The following PACRG variants were observed in gnomAD, a reference collection of about 807,000 sequenced individuals.
PACRG encodes the protein parkin coregulated gene protein.
Under a neutral mutation model 29.7 loss-of-function variants are expected in PACRG, and 29 were observed. That is an observed-to-expected ratio of 0.98 (90% CI 0.73 to 1.33). The LOEUF (loss-of-function observed/expected upper bound fraction) is 1.33. PACRG is among the 40% of genes most tolerant of loss of function. The pLI is 0.00. For synonymous variants in PACRG, 116 were observed against 118.7 expected (o/e 0.98, Z 0.15); for missense variants, 279 against 316.2 (o/e 0.88, Z 0.89).
At chr6:163,083,668 A>G (rs2128294051) in intron 3 of PACRG, among the ~76,000 whole-genome samples, 1 of 152,316 alleles carries the variant, frequency 6.6e-6, no homozygotes, top group Middle Eastern at 3.4e-3. Context: ...TTGTCTGTTT[A>G]TGTGCCGTGC....
intron 4 of PACRG, among the ~76,000 whole-genome samples, chr6:163,248,431 CA>C (rs199676766): frequency 0.038 from 4,121 of 109,508 alleles, 151 homozygotes; most frequent in African/African-American, 0.1. Context: ...ATATTTTATG[CA>C]AAAAAAAAAA....
Position 162,777,600 on chromosome 6 carries a change from AG to A in PACRG, c.157-36545del, listed in dbSNP as rs1269902047. The stretch of plus-strand genomic sequence containing the variant: ...TCACAGCCTCCTATCCTCAAGTTCT[AG>A]GTAAAATTGCCAAAGTAGACTCCTT... On this transcript the variant is annotated intron_variant, in intron 1 of 4. Transcript: ENST00000366888. The surrounding 1 kb of genome is among the most constrained non-coding windows in gnomAD (Gnocchi z 4.0). Among the ~76,000 whole-genome samples, 2 of 152,146 alleles carry A rather than the reference AG, an allele frequency of 1.3e-5. No individual in the cohort carries two copies. Among genetic ancestry groups the A allele is most frequent in the Admixed American group, 1.3e-4 (2 of 15,280 alleles).
At chr6:162,836,383 C>T (rs1021610480) in intron 2 of PACRG, among the ~76,000 whole-genome samples, 2 of 152,116 alleles carry the variant, frequency 1.3e-5, no homozygotes, top group African/African-American at 4.8e-5. Flanking sequence ...GCATTCTCCT[C>T]AATATCCATA....
chr6:163,264,235 C>T (rs73601578), intron 4 of PACRG, among the ~76,000 whole-genome samples: 230 of 152,292 alleles, frequency 1.5e-3, no homozygotes, highest in African/African-American at 5.1e-3. Flanking sequence ...CTCTCCTTCC[C>T]TGGATTTTGG....
At chr6:163,062,458 C>A (rs1196698084) in intron 3 of PACRG, 137 bp downstream of exon 3, 2 of 1,004,000 alleles carry the variant, frequency 2.0e-6, no homozygotes, top group Non-Finnish European at 1.4e-6. Flanking sequence ...ACTTAGGAGG[C>A]CAGACAACCC....
intron 3 of PACRG, among the ~76,000 whole-genome samples, chr6:163,081,788 T>C (rs1420755013): frequency 6.6e-6 from 1 of 152,084 alleles, no homozygotes; most frequent in African/African-American, 2.4e-5. Flanking sequence ...AAATGCCATA[T>C]TTTATGTTAC....
intron 1 of PACRG, among the ~76,000 whole-genome samples, chr6:162,809,763 T>A (rs1786672788): frequency 1.3e-5 from 2 of 152,062 alleles, no homozygotes; most frequent in African/African-American, 4.8e-5. Context: ...TAAAAATAAC[T>A]ATGTGACTTC....
chr6:163,142,896 ACT>A (rs930166611), intron 4 of PACRG, among the ~76,000 whole-genome samples: 110 of 152,282 alleles, frequency 7.2e-4, no homozygotes, highest in African/African-American at 2.3e-3. Context: ...ATTTCTCAAA[ACT>A]CTGAAGATCA....
chr6:162,786,969 A>G (rs773596895), intron 1 of PACRG, among the ~76,000 whole-genome samples: 1 of 152,322 alleles, frequency 6.6e-6, no homozygotes, highest in Admixed American at 6.5e-5. Context: ...AAAATTTCCA[A>G]ATAACATTTT....
chr6:162,762,465 C>T (rs1562571622), intron 1 of PACRG, among the ~76,000 whole-genome samples: 1 of 152,048 alleles, frequency 6.6e-6, no homozygotes, highest in Middle Eastern at 3.2e-3. Context: ...CACAGGTGAG[C>T]CTTTGGGGGT....
chr6:163,104,968 G>C (rs1815302137), intron 4 of PACRG, among the ~76,000 whole-genome samples: 1 of 152,040 alleles, frequency 6.6e-6, no homozygotes, highest in East Asian at 1.9e-4. Flanking sequence ...TATTTATGAA[G>C]TAATTCAAAA....
At chr6:163,029,068 G>A (rs1585040638) in intron 2 of PACRG, among the ~76,000 whole-genome samples, 1 of 152,342 alleles carries the variant, frequency 6.6e-6, no homozygotes, top group Middle Eastern at 3.4e-3. Context: ...AGGCAAGGAG[G>A]TCTCAGTTAG....
intron 4 of PACRG, among the ~76,000 whole-genome samples, chr6:163,180,317 G>A (rs1413759677): frequency 2.0e-5 from 3 of 152,178 alleles, no homozygotes; most frequent in Non-Finnish European, 2.9e-5. Context: ...TGACAAGTAT[G>A]TTCGTTAAAA....
intron 2 of PACRG, chr6:163,046,814 T>C (rs1809448879): frequency 6.6e-6 from 1 of 152,254 alleles, no homozygotes; most frequent in Non-Finnish European, 1.5e-5. Context: ...CTATTCAGTA[T>C]ATATATTTTT....
chr6:163,145,728 G>A (rs899390884), intron 4 of PACRG, among the ~76,000 whole-genome samples: 5 of 152,302 alleles, frequency 3.3e-5, no homozygotes, highest in Admixed American at 2.0e-4. Context: ...CTGGGATGAC[G>A]GGCATGGAAG....
intron 4 of PACRG, among the ~76,000 whole-genome samples, chr6:163,256,371 G>A (rs1783105573): frequency 1.3e-5 from 2 of 152,198 alleles, no homozygotes; most frequent in South Asian, 2.1e-4. Context: ...TGTCACATCT[G>A]TACTTACAGA....
At chr6:163,251,301 G>T (rs1344142788) in intron 4 of PACRG, among the ~76,000 whole-genome samples, 1 of 151,990 alleles carries the variant, frequency 6.6e-6, no homozygotes, top group East Asian at 1.9e-4. Context: ...AAATAAAATT[G>T]TGCATATTGG....
intron 4 of PACRG, among the ~76,000 whole-genome samples, chr6:163,245,611 C>G (rs1418652885): frequency 6.6e-6 from 1 of 152,156 alleles, no homozygotes; most frequent in Non-Finnish European, 1.5e-5. Context: ...CCTTGGCCAT[C>G]TCAAATTCAG....
chr6:163,138,320 A>G (rs1232670048), intron 4 of PACRG, among the ~76,000 whole-genome samples: 2 of 152,144 alleles, frequency 1.3e-5, no homozygotes, highest in East Asian at 3.8e-4. Flanking sequence ...TCTGTTCACA[A>G]CCATGGGGGC....
Sources: allele counts gnomAD v4.1 joint callset (sites outside exome capture counted in the v4.1 genomes callset), GRCh38; gene constraint gnomAD v4.1.1; non-coding constraint Gnocchi (gnomAD v3.1); transcripts MANE v1.5; gene names NCBI Gene and HGNC (gene_info 2026-07-23, HGNC 2026-07-21).